SDK1: variants seen among roughly 807,000 people sequenced by gnomAD.
SDK1 encodes sidekick cell adhesion molecule 1.
In SDK1, 157 loss-of-function variants were observed where a neutral mutation model predicts 245.5. The ratio of observed to expected loss-of-function variants is 0.64; its 90% confidence interval spans 0.56 to 0.73. The LOEUF (loss-of-function observed/expected upper bound fraction) is 0.73, where lower values mean the gene tolerates loss of function less well. Ranked by LOEUF, SDK1 falls within the 30% of genes least tolerant of loss-of-function variation. SDK1 has a pLI of 0.00. For missense variants in SDK1, 3,583 were observed against 3,002.3 expected, an observed-to-expected ratio of 1.19 and a Z score of -4.52; for synonymous variants, 1,647 against 1,278.5, an observed-to-expected ratio of 1.29 and a Z score of -6.15.
intron 4 of SDK1, among the ~76,000 whole-genome samples, chr7:3,724,841 T>C (rs1314881540): frequency 6.6e-6 from 1 of 152,104 alleles, no homozygotes; most frequent in Admixed American, 6.5e-5. Flanking sequence ...CCCATGTCAT[T>C]TCCACCACCC....
chr7:3,655,448 A>T (rs1339317528), intron 4 of SDK1, among the ~76,000 whole-genome samples: 1 of 66,334 alleles, frequency 1.5e-5, no homozygotes, highest in Non-Finnish European at 2.5e-5. Flanking sequence ...AAACAAAACA[A>T]ATATATATAT....
intron 1 of SDK1, among the ~76,000 whole-genome samples, chr7:3,317,180 CAAAAAAA>C (rs57138474): frequency 9.2e-5 from 3 of 32,732 alleles, no homozygotes; most frequent in South Asian, 3.6e-3. Flanking sequence ...GACTCTGTCT[CAAAAAAA>C]AAAAAAAAAA....
chr7:4,121,432 G>A (rs1784058672), intron 25 of SDK1, among the ~76,000 whole-genome samples: 1 of 152,108 alleles, frequency 6.6e-6, no homozygotes, highest in African/African-American at 2.4e-5. Context: ...AGATCTGATG[G>A]TTTTATAAGG....
chr7:3,341,570 G>C (rs1283801397), intron 1 of SDK1, among the ~76,000 whole-genome samples: 1 of 151,850 alleles, frequency 6.6e-6, no homozygotes, highest in Non-Finnish European at 1.5e-5. Flanking sequence ...AAGAAATCTA[G>C]AAAAAAAACT....
rs538636336 is a variant in SDK1 at position 3,987,345 on chromosome 7, C to CA, written c.2131+24dup. On this transcript the variant is annotated intron_variant, in intron 14 of 44. Coordinates refer to ENST00000404826, the MANE Select transcript of SDK1 (RefSeq NM_152744.4). ...ACAGTAAGTAGCAAAATGAAACTGTCACCATGGACGATAATCAGATTTTTG... is the reference window on the plus strand; with the variant it reads ...ACAGTAAGTAGCAAAATGAAACTGTCAACCATGGACGATAATCAGATTTTTG... 85 of 1,611,254 alleles carry CA rather than the reference C, an allele frequency of 5.3e-5. No homozygotes were observed. In the East Asian group the frequency reaches 5.6e-4, roughly 11 times the overall value.
chr7:3,797,766 T>G (rs1778998741), intron 4 of SDK1, among the ~76,000 whole-genome samples: 1 of 152,192 alleles, frequency 6.6e-6, no homozygotes, highest in Admixed American at 6.5e-5. Flanking sequence ...AGTGAATGGT[T>G]CCTTGATGTT....
Position 3,876,912 on chromosome 7 carries a change from G to A in SDK1, c.847+55329G>A, listed in dbSNP as rs74612717. ...TAATTGAATTATGTCCATTTTAATAGGGATTTTCTTTTTAAACGAATTCTA... is the reference window on the plus strand; with the variant it reads ...TAATTGAATTATGTCCATTTTAATAAGGATTTTCTTTTTAAACGAATTCTA... On this transcript the variant is annotated intron_variant, in intron 5 of 44. Coordinates refer to ENST00000404826, the MANE Select transcript of SDK1 (RefSeq NM_152744.4). Among the ~76,000 whole-genome samples the A allele has an allele frequency of 6.4e-3, 978 of 152,306 alleles. 11 individuals carry two copies. The highest frequency in any genetic ancestry group is 0.023 in the African/African-American group (944 of 41,556).
At position 3,562,411 on chromosome 7, in the gene SDK1, A is replaced by G. The variant is rs114211164; in HGVS notation, c.299-56669A>G. On this transcript the variant is annotated intron_variant, in intron 1 of 44. Coordinates refer to ENST00000404826, the MANE Select transcript of SDK1 (RefSeq NM_152744.4). ...TCTCAGCCAAGATGGTCAACTGCAT[A>G]TACTACTGAGTTCTGAATACCATGT... is the stretch of plus-strand genomic sequence containing the variant. Among the ~76,000 whole-genome samples, 217 of 152,350 alleles carry G rather than the reference A, an allele frequency of 1.4e-3. 4 individuals are homozygous for G. The highest frequency in any genetic ancestry group is 5.0e-3 in the African/African-American group (209 of 41,582).
At chr7:3,661,674 T>G (rs553817184) in intron 4 of SDK1, among the ~76,000 whole-genome samples, 1 of 152,342 alleles carries the variant, frequency 6.6e-6, no homozygotes, top group East Asian at 1.9e-4. Flanking sequence ...TTTTGCTGTT[T>G]TTAACATCTT....
At chr7:3,745,952 A>G (rs1779605385) in intron 4 of SDK1, among the ~76,000 whole-genome samples, 1 of 152,208 alleles carries the variant, frequency 6.6e-6, no homozygotes, top group Non-Finnish European at 1.5e-5. Context: ...GCTCCACCAC[A>G]GACTAGCTGT....
chr7:3,714,226 A>G (rs1785134598), intron 4 of SDK1, among the ~76,000 whole-genome samples: 1 of 152,226 alleles, frequency 6.6e-6, no homozygotes, highest in Non-Finnish European at 1.5e-5. Flanking sequence ...CAGATAGACC[A>G]GGAGGTAGAG....
chr7:3,557,944 C>G (rs575558439), intron 1 of SDK1, among the ~76,000 whole-genome samples: 1 of 152,166 alleles, frequency 6.6e-6, no homozygotes. Context: ...TATGCTTGTA[C>G]ATTGTCTTTA....
intron 1 of SDK1, among the ~76,000 whole-genome samples, chr7:3,467,029 C>CACACACACACACACAG (rs1288513856): frequency 1.7e-4 from 23 of 137,648 alleles, no homozygotes; most frequent in African/African-American, 5.6e-4. Flanking sequence ...CACACACACA[C>CACACACACACACACAG]AGAGATGTAA....
intron 1 of SDK1, among the ~76,000 whole-genome samples, chr7:3,470,047 C>A (rs1158452616): frequency 1.3e-5 from 2 of 152,034 alleles, no homozygotes; most frequent in Non-Finnish European, 2.9e-5. Flanking sequence ...ATTCATTTTT[C>A]CATATTTAAC....
intron 1 of SDK1, among the ~76,000 whole-genome samples, chr7:3,318,842 T>C (rs1779726120): frequency 6.6e-6 from 1 of 152,236 alleles, no homozygotes; most frequent in South Asian, 2.1e-4. Context: ...GAATTTAATA[T>C]TGACAATCAA....
chr7:3,531,889 T>C (rs544529621), intron 1 of SDK1, among the ~76,000 whole-genome samples: 18 of 152,202 alleles, frequency 1.2e-4, no homozygotes, highest in South Asian at 4.1e-4. Context: ...AAGTAGGCTT[T>C]TGTTTTAAAC....
rs756839877 is a variant in SDK1 at position 4,266,302 on chromosome 7, C to T, written c.*918C>T. The T allele has an allele frequency of 1.0e-5, 10 of 985,290 alleles. No homozygotes were observed. The highest frequency in any genetic ancestry group is 6.1e-5 in the Admixed American group (1 of 16,262). 61.0% of individuals were successfully genotyped at this position (985,290 alleles called of 1,614,324 possible). On this transcript the variant is annotated 3_prime_UTR_variant, in exon 45 of 45. Coordinates refer to ENST00000404826, the MANE Select transcript of SDK1 (RefSeq NM_152744.4). ...TAAACTATGTCACATGAAATGAATG[C>T]GTCTTTGCTGTCTCCAGGTGCCTTT...
intron 1 of SDK1, among the ~76,000 whole-genome samples, chr7:3,525,273 T>A (rs1783085201): frequency 6.6e-6 from 1 of 152,046 alleles, no homozygotes. Flanking sequence ...CCTCTCTCCA[T>A]GAATTTAAGT....
intron 1 of SDK1, among the ~76,000 whole-genome samples, chr7:3,340,766 CA>C (rs56932562): frequency 0.022 from 2,807 of 125,324 alleles, 67 homozygotes; most frequent in African/African-American, 0.06. Flanking sequence ...GACCCCGTCT[CA>C]AAAAAAAAAA....
Sources: allele counts gnomAD v4.1 joint callset (sites outside exome capture counted in the v4.1 genomes callset), GRCh38; gene constraint gnomAD v4.1.1; transcripts MANE v1.5; gene names NCBI Gene and HGNC (gene_info 2026-07-23, HGNC 2026-07-21).